The following ZDHHC14 variants were observed in gnomAD, a reference collection of about 807,000 sequenced individuals.
ZDHHC14 encodes the protein palmitoyltransferase ZDHHC14.
In ZDHHC14, 16 loss-of-function variants were observed where a neutral mutation model predicts 47.7. That is an observed-to-expected ratio of 0.34 (90% CI 0.23 to 0.51). The LOEUF is 0.51. ZDHHC14 is among the 20% of genes least tolerant of loss of function. The pLI, the probability that ZDHHC14 is intolerant of heterozygous loss-of-function variation, is 0.97. For synonymous variants in ZDHHC14, 293 were observed against 278.9 expected, an observed-to-expected ratio of 1.05 and a Z score of -0.50; for missense variants, 515 against 662.5, an observed-to-expected ratio of 0.78 and a Z score of 2.44.
At chr6:157,484,033 A>G (rs369724762) in intron 1 of ZDHHC14, among the ~76,000 whole-genome samples, 1 of 152,128 alleles carries the variant, frequency 6.6e-6, no homozygotes, top group African/African-American at 2.4e-5. Context: ...TAAGCAAACT[A>G]ACACAGGAAC....
intron 2 of ZDHHC14, among the ~76,000 whole-genome samples, chr6:157,589,535 A>T (rs1376411781): frequency 6.6e-6 from 1 of 152,124 alleles, no homozygotes; most frequent in Non-Finnish European, 1.5e-5. Context: ...TATTCTCATG[A>T]TAGTGAGTGA....
chr6:157,645,886 G>A, intron 6 of ZDHHC14, 47 bp downstream of exon 6: 2 of 1,531,492 alleles, frequency 1.3e-6, no homozygotes, highest in Non-Finnish European at 1.8e-6. Context: ...TGGGTTTTGG[G>A]CAATGGAGGA....
chr6:157,593,062 A>T lies in ZDHHC14; in HGVS notation c.481A>T (p.Thr161Ser). ...CAAAGAAGTCATCATCAATGGCCAG[A>T]CCGTGAAACTTAAATACTGTTTCAC... ...RTKEVIINGQ[T>S]VKLKYCFTCK... Residue 161 changes from threonine (T) to serine (S), a missense_variant, in exon 3 of 9, where the codon ACC becomes TCC. Coordinates refer to ENST00000359775, the MANE Select transcript of ZDHHC14 (RefSeq NM_024630.3). 1.2e-6 allele frequency: 2 copies of T among 1,614,172 alleles called. No homozygotes were observed.
At chr6:157,541,220 C>T (rs988824495) in intron 1 of ZDHHC14, among the ~76,000 whole-genome samples, 1 of 152,110 alleles carries the variant, frequency 6.6e-6, no homozygotes, top group Admixed American at 6.5e-5. Context: ...ACTTGCACAG[C>T]CACAGTCCAC....
At chr6:157,564,899 T>G (rs1782843260) in intron 2 of ZDHHC14, among the ~76,000 whole-genome samples, 1 of 152,176 alleles carries the variant, frequency 6.6e-6, no homozygotes. Context: ...ATTATAGAGA[T>G]CTGTGGGTGA....
intron 1 of ZDHHC14, among the ~76,000 whole-genome samples, chr6:157,511,256 C>T (rs565926951): frequency 4.6e-5 from 7 of 152,308 alleles, no homozygotes; most frequent in Admixed American, 1.3e-4. Context: ...GGAGAGGAAT[C>T]GCCCGCACCT....
intron 3 of ZDHHC14, 145 bp downstream of exon 3, chr6:157,593,291 T>A: frequency 1.8e-6 from 2 of 1,095,104 alleles, no homozygotes; most frequent in Non-Finnish European, 2.6e-6. Context: ...TCACCGGGCC[T>A]AGAGTCACCA....
At chr6:157,516,961 A>G (rs1780714530) in intron 1 of ZDHHC14, among the ~76,000 whole-genome samples, 1 of 152,192 alleles carries the variant, frequency 6.6e-6, no homozygotes, top group South Asian at 2.1e-4. Flanking sequence ...TTTTCATTTC[A>G]GAAAGCTCTA....
intron 1 of ZDHHC14, among the ~76,000 whole-genome samples, chr6:157,534,841 T>C (rs1414800239): frequency 6.6e-6 from 1 of 152,124 alleles, no homozygotes; most frequent in Non-Finnish European, 1.5e-5. Context: ...TCTGCCCACC[T>C]CAGCCTCCCA....
chr6:157,602,753 G>A (rs1489531270), intron 3 of ZDHHC14, among the ~76,000 whole-genome samples: 4 of 152,278 alleles, frequency 2.6e-5, no homozygotes, highest in Middle Eastern at 3.4e-3. Context: ...CTCTTCACCC[G>A]CCATGAGGAT....
At chr6:157,403,685 G>A (rs1777689199) in intron 1 of ZDHHC14, among the ~76,000 whole-genome samples, 1 of 152,228 alleles carries the variant, frequency 6.6e-6, no homozygotes, top group Non-Finnish European at 1.5e-5. Flanking sequence ...CACTAAAAAA[G>A]AAGGCTGATT....
At chr6:157,432,581 G>A (rs989271563) in intron 1 of ZDHHC14, among the ~76,000 whole-genome samples, 2 of 152,216 alleles carry the variant, frequency 1.3e-5, no homozygotes, top group Admixed American at 1.3e-4. Context: ...CCTTCCAATA[G>A]GAGGTGGTTT....
At chr6:157,409,810 A>G (rs1583620700) in intron 1 of ZDHHC14, among the ~76,000 whole-genome samples, 1 of 149,898 alleles carries the variant, frequency 6.7e-6, no homozygotes, top group African/African-American at 2.5e-5. Context: ...TGGCAGCTTT[A>G]TTTTATTTTA....
chr6:157,530,238 C>T (rs1199932697), intron 1 of ZDHHC14, among the ~76,000 whole-genome samples: 1 of 152,228 alleles, frequency 6.6e-6, no homozygotes, highest in Admixed American at 6.5e-5. Context: ...GACCTTCCCT[C>T]TGGATCTGTT....
chr6:157,491,901 G>A (rs1437154417), intron 1 of ZDHHC14, among the ~76,000 whole-genome samples: 1 of 152,206 alleles, frequency 6.6e-6, no homozygotes, highest in Admixed American at 6.5e-5. Context: ...TTTGATTGTC[G>A]AATTACGTCT....
intron 1 of ZDHHC14, among the ~76,000 whole-genome samples, chr6:157,483,908 G>T (rs1037207217): frequency 6.6e-6 from 1 of 152,070 alleles, no homozygotes; most frequent in African/African-American, 2.4e-5. Context: ...ATGCCCATCA[G>T]GGGTAGACTA....
chr6:157,555,667 G>A (rs1220836093), intron 2 of ZDHHC14, among the ~76,000 whole-genome samples: 1 of 152,128 alleles, frequency 6.6e-6, no homozygotes, highest in Non-Finnish European at 1.5e-5. Flanking sequence ...AAACAGAGCA[G>A]CATCAACAAG....
intron 1 of ZDHHC14, among the ~76,000 whole-genome samples, chr6:157,472,311 G>T (rs1169861874): frequency 6.6e-6 from 1 of 152,120 alleles, no homozygotes; most frequent in Non-Finnish European, 1.5e-5. Flanking sequence ...CCTTCTACCT[G>T]GGCATGTAGA....
At chr6:157,630,051 G>C (rs915351867) in intron 4 of ZDHHC14, 1 of 152,170 alleles carries the variant, frequency 6.6e-6, no homozygotes, top group Non-Finnish European at 1.5e-5. Flanking sequence ...GCAGTGGCGG[G>C]ATCTCGGCTC....
Sources: allele counts gnomAD v4.1 joint callset (sites outside exome capture counted in the v4.1 genomes callset), GRCh38; gene constraint gnomAD v4.1.1; transcripts MANE v1.5; gene names NCBI Gene and HGNC (gene_info 2026-07-23, HGNC 2026-07-21).